DPP4: variants seen among roughly 807,000 people sequenced by gnomAD.
The protein encoded by DPP4 is ADCP-2.
Under a neutral mutation model 122.4 loss-of-function variants are expected in DPP4, and 93 were observed. The observed-to-expected ratio is 0.76, with a 90% CI of 0.64 to 0.90. DPP4 has a LOEUF of 0.90. DPP4 is among the 40% of genes least tolerant of loss of function. DPP4 has a pLI of 0.00. For missense variants in DPP4, 914 were observed against 907.3 expected (o/e 1.01, Z -0.09); for synonymous variants, 321 against 302.9 (o/e 1.06, Z -0.62).
chr2:162,018,494 T>C (rs2106098416), intron 16 of DPP4, among the ~76,000 whole-genome samples: 1 of 152,356 alleles, frequency 6.6e-6, no homozygotes, highest in Non-Finnish European at 1.5e-5. Flanking sequence ...GCTTCTGTTA[T>C]ACACAAGGGT....
At chr2:162,022,234 TC>T (rs1683158696) in intron 12 of DPP4, among the ~76,000 whole-genome samples, 1 of 152,200 alleles carries the variant, frequency 6.6e-6, no homozygotes. Context: ...CACCACACTT[TC>T]CTGGATAAAG....
chr2:162,057,490 G>A (rs113170512), intron 2 of DPP4, among the ~76,000 whole-genome samples: 2,446 of 152,300 alleles, frequency 0.016, 30 homozygotes, highest in East Asian at 0.038. Context: ...AATTAGAGAA[G>A]AGGAGGGACT....
At chr2:162,043,942 T>C (rs1489119495) in intron 5 of DPP4, among the ~76,000 whole-genome samples, 1 of 152,032 alleles carries the variant, frequency 6.6e-6, no homozygotes, top group East Asian at 1.9e-4. Context: ...GTAGGAGGAT[T>C]AGTCAAGCCC....
chr2:162,030,222 A>G (rs1169913777), intron 10 of DPP4, among the ~76,000 whole-genome samples: 1 of 152,246 alleles, frequency 6.6e-6, no homozygotes, highest in Non-Finnish European at 1.5e-5. Flanking sequence ...ACAAAATAGC[A>G]TCATAACAAA....
At chr2:161,996,267 C>G (rs547005048) in intron 23 of DPP4, among the ~76,000 whole-genome samples, 3 of 152,056 alleles carry the variant, frequency 2.0e-5, no homozygotes, top group Non-Finnish European at 4.4e-5. Flanking sequence ...TACTGTAGTG[C>G]CTTTGGGAGG....
intron 2 of DPP4, among the ~76,000 whole-genome samples, chr2:162,060,038 T>C (rs1032945518): frequency 1.3e-5 from 2 of 152,196 alleles, no homozygotes; most frequent in African/African-American, 4.8e-5. Flanking sequence ...ACTAAAATTC[T>C]GTGATTAGTA....
intron 16 of DPP4, among the ~76,000 whole-genome samples, chr2:162,018,376 G>T (rs1456648875): frequency 6.6e-6 from 1 of 152,222 alleles, no homozygotes; most frequent in Non-Finnish European, 1.5e-5. Flanking sequence ...GGAGCAGTGA[G>T]CATGTTGGGT....
At chr2:162,042,709 T>C (rs966146279) in intron 5 of DPP4, among the ~76,000 whole-genome samples, 4 of 152,170 alleles carry the variant, frequency 2.6e-5, no homozygotes, top group African/African-American at 9.6e-5. Context: ...ATAAAACATG[T>C]ATTCATTTAA....
chr2:162,074,084 A>T lies in DPP4; in HGVS notation c.-103T>A, dbSNP rs201880273. The T allele has an allele frequency of 4.7e-6, 7 of 1,504,076 alleles. No homozygotes were observed. The highest frequency in any genetic ancestry group is 6.2e-6 in the Non-Finnish European group (7 of 1,126,718). The allele number at this position is 1,504,076 out of a possible 1,614,324, so 93.2% of individuals were successfully genotyped here. On this transcript the variant is annotated 5_prime_UTR_variant, in exon 1 of 26. Coordinates refer to ENST00000360534, the MANE Select transcript of DPP4 (RefSeq NM_001935.4). ...CCTGCACCGCTGCTCCGGGCGGTGG[A>T]GTCACTCGCCGCTGGCAAGTTTCGG...
At chr2:162,040,479 T>C (rs940502891) in intron 5 of DPP4, among the ~76,000 whole-genome samples, 7 of 152,076 alleles carry the variant, frequency 4.6e-5, no homozygotes, top group Admixed American at 2.0e-4. Context: ...TATTGTATGA[T>C]TCCAACAATA....
Position 162,017,104 on chromosome 2 carries a change from A to T in DPP4, c.1468+4T>A. ...CAAATGAAGAGTAAAATATGAGAAA[A>T]TACCTTTATCATTCACGCTGCTGTG... On this transcript the variant is annotated splice_donor_region_variant and intron_variant, in intron 17 of 25. Transcript: ENST00000360534. 1.2e-6 allele frequency: 2 copies of T among 1,611,330 alleles called. No homozygotes were observed. Among genetic ancestry groups the T allele is most frequent in the Non-Finnish European group, 1.7e-6 (2 of 1,179,028 alleles).
chr2:162,003,002 C>T (rs1162152427), intron 23 of DPP4, among the ~76,000 whole-genome samples: 1 of 152,186 alleles, frequency 6.6e-6, no homozygotes, highest in African/African-American at 2.4e-5. Context: ...CCTTAACTAT[C>T]GCCCTCCCAA....
rs1553663376 is a variant in DPP4 at position 162,020,317 on chromosome 2, T to TTTC, written c.1177-22_1177-21insGAA. The TTTC allele has an allele frequency of 1.4e-5, 19 of 1,374,672 alleles. No individual in the cohort carries two copies. The East Asian group carries it at 1.8e-4, about 13-fold the overall frequency. 85.2% of individuals were successfully genotyped at this position (1,374,672 alleles called of 1,614,324 possible). On this transcript the variant is annotated intron_variant, in intron 13 of 25. Transcript: ENST00000360534. Reference sequence around the variant, plus strand: ...CAGTCCTGATGGTTTTTTTTTTTTTTCAAAAAAAAAAAAAAGATTGATTAG... The same window carrying TTTC: ...CAGTCCTGATGGTTTTTTTTTTTTTTTTCCAAAAAAAAAAAAAAGATTGATTAG...
intron 2 of DPP4, among the ~76,000 whole-genome samples, chr2:162,048,322 A>T (rs1040321141): frequency 8.6e-5 from 13 of 151,640 alleles, no homozygotes; most frequent in African/African-American, 3.2e-4. Flanking sequence ...ATTCCTGGAA[A>T]TTTTTTTTCT....
In DPP4 at chr2:162,006,823, C is replaced by G. The variant is rs555863048; in HGVS notation, c.1988-1014G>C. Among the ~76,000 whole-genome samples the G allele has an allele frequency of 2.0e-5, 3 of 152,150 alleles. No homozygotes were observed. In the South Asian group the frequency reaches 6.2e-4, roughly 32 times the overall value. Reference sequence around the variant, plus strand: ...AGTGACCAGATTACAGTTAAAGAGTCTAAGAATTTTATCTTGCCATTGTGC... The same window carrying G: ...AGTGACCAGATTACAGTTAAAGAGTGTAAGAATTTTATCTTGCCATTGTGC... On this transcript the variant is annotated intron_variant, in intron 22 of 25. Coordinates refer to ENST00000360534, the MANE Select transcript of DPP4 (RefSeq NM_001935.4).
chr2:162,073,294 C>T, intron 2 of DPP4, 105 bp downstream of exon 2: 1 of 1,115,818 alleles, frequency 9.0e-7, no homozygotes, highest in Non-Finnish European at 1.3e-6. Flanking sequence ...CACTTCGGGG[C>T]ACTGGTCCAA....
chr2:162,063,571 G>C (rs147687605), intron 2 of DPP4, among the ~76,000 whole-genome samples: 6 of 151,978 alleles, frequency 3.9e-5, no homozygotes, highest in African/African-American at 1.5e-4. Context: ...CCGAGGGGAG[G>C]TGGAGAAGAA....
intron 2 of DPP4, among the ~76,000 whole-genome samples, chr2:162,057,747 A>G (rs912296794): frequency 2.0e-5 from 3 of 152,158 alleles, no homozygotes; most frequent in Admixed American, 6.5e-5. Flanking sequence ...CAATTTTCAT[A>G]TTAAATCTCT....
At chr2:162,031,214 T>G (rs956169185) in intron 10 of DPP4, among the ~76,000 whole-genome samples, 1 of 152,228 alleles carries the variant, frequency 6.6e-6, no homozygotes, top group Non-Finnish European at 1.5e-5. Context: ...TCTCTGAGCC[T>G]CGGTTCTCTC....
Sources: gnomAD v4.1 joint callset for allele counts (sites outside exome capture counted in the v4.1 genomes callset) on GRCh38, gnomAD v4.1.1 for gene constraint, MANE v1.5 for transcripts, NCBI Gene and HGNC (gene_info 2026-07-23, HGNC 2026-07-21) for gene names.